Variants in SEMA3C observed in about 807,000 individuals in gnomAD.
SEMA3C encodes the protein semaphorin-3C.
In SEMA3C, 47 loss-of-function variants were observed where a neutral mutation model predicts 89.4. The ratio of observed to expected loss-of-function variants is 0.53; its 90% CI spans 0.42 to 0.67. The LOEUF is 0.67. Among genes scored for constraint, SEMA3C ranks in the 30% least tolerant of loss-of-function variants. The pLI, the probability that SEMA3C is intolerant of heterozygous loss-of-function variation, is 0.00. For synonymous variants in SEMA3C, 310 were observed against 320.2 expected (o/e 0.97, Z 0.34); for missense variants, 839 against 929.1 (o/e 0.90, Z 1.26).
chr7:80,897,223 G>T lies in SEMA3C; in HGVS notation c.103+19456C>A, dbSNP rs1166931163. 2.0e-5 allele frequency among the ~76,000 whole-genome samples: 3 copies of T among 151,768 alleles called. No homozygotes were observed. In the East Asian group the frequency reaches 5.8e-4, roughly 29 times the overall value. On this transcript the variant is annotated intron_variant, in intron 2 of 17. Coordinates refer to ENST00000265361, the MANE Select transcript of SEMA3C (RefSeq NM_006379.5). ...TCATTTTTGCTGTCTGAGTTATGAG[G>T]CAGCATGTGGAAACATTGTATTTGG...
chr7:80,845,346 A>T (rs1790365221), intron 2 of SEMA3C, among the ~76,000 whole-genome samples: 1 of 152,100 alleles, frequency 6.6e-6, no homozygotes, highest in South Asian at 2.1e-4. Flanking sequence ...TTAGGTGGAC[A>T]TCAGTAAGCC....
intron 2 of SEMA3C, among the ~76,000 whole-genome samples, chr7:80,899,977 G>C (rs1052552568): frequency 4.6e-5 from 7 of 152,150 alleles, no homozygotes; most frequent in African/African-American, 1.7e-4. Flanking sequence ...TACAGGTGCA[G>C]TTTTGTTACA....
intron 5 of SEMA3C, chr7:80,815,809 A>G (rs932359807): frequency 6.6e-6 from 1 of 152,116 alleles, no homozygotes; most frequent in Admixed American, 6.5e-5. Context: ...AGGTAAAGTT[A>G]TCTGCTTGAT....
At chr7:80,854,209 C>T (rs766921336) in intron 2 of SEMA3C, among the ~76,000 whole-genome samples, 16 of 152,098 alleles carry the variant, frequency 1.1e-4, no homozygotes, top group Admixed American at 5.9e-4. Context: ...CAAAAAGATG[C>T]TCTCAAAGAA....
At position 80,888,679 on chromosome 7, in the gene SEMA3C, C is replaced by T. The variant is rs947848900; in HGVS notation, c.103+28000G>A. ...TTTATGTCATTACTTCTGTTTGTGT[C>T]AAAAGTATGAAGATTTTTATACCAA... On this transcript the variant is annotated intron_variant, in intron 2 of 17. Transcript: ENST00000265361. 3.3e-5 allele frequency among the ~76,000 whole-genome samples: 5 copies of T among 151,834 alleles called. 1 individual carries two copies. The highest frequency in any genetic ancestry group is 4.4e-5 in the Non-Finnish European group (3 of 67,978).
intron 6 of SEMA3C, among the ~76,000 whole-genome samples, chr7:80,806,290 CAT>C (rs1372998589): frequency 5.3e-5 from 8 of 151,992 alleles, no homozygotes; most frequent in Non-Finnish European, 1.2e-4. Flanking sequence ...GTTCTTAACA[CAT>C]ATTAAAATTT....
intron 2 of SEMA3C, among the ~76,000 whole-genome samples, chr7:80,904,479 G>A (rs896266909): frequency 6.6e-6 from 1 of 152,174 alleles, no homozygotes; most frequent in African/African-American, 2.4e-5. Flanking sequence ...AGTAAGTGAA[G>A]GGTATTTGTT....
intron 2 of SEMA3C, among the ~76,000 whole-genome samples, chr7:80,897,001 C>T (rs1414408959): frequency 2.6e-5 from 4 of 152,106 alleles, no homozygotes; most frequent in Admixed American, 6.6e-5. Context: ...ACTTGTGTGG[C>T]AGGGGTGTGG....
At chr7:80,814,112 A>T (rs1789541267) in intron 5 of SEMA3C, among the ~76,000 whole-genome samples, 1 of 142,140 alleles carries the variant, frequency 7.0e-6, no homozygotes, top group Non-Finnish European at 1.5e-5. Flanking sequence ...TATTTAAGAC[A>T]GAGTCTCGCT....
At chr7:80,745,842 A>T (rs1787788054) in intron 17 of SEMA3C, among the ~76,000 whole-genome samples, 1 of 152,168 alleles carries the variant, frequency 6.6e-6, no homozygotes, top group Non-Finnish European at 1.5e-5. Flanking sequence ...AATTTTGAAC[A>T]TTATCAAGGG....
chr7:80,847,787 C>T (rs991408638), intron 2 of SEMA3C, among the ~76,000 whole-genome samples: 9 of 152,230 alleles, frequency 5.9e-5, no homozygotes, highest in Admixed American at 2.0e-4. Context: ...AGAAAGCATA[C>T]GCTAGACAGA....
intron 2 of SEMA3C, among the ~76,000 whole-genome samples, chr7:80,829,572 A>C (rs1317695904): frequency 6.6e-6 from 1 of 152,104 alleles, no homozygotes; most frequent in Non-Finnish European, 1.5e-5. Flanking sequence ...TATTTTCAGG[A>C]GGCAATGTTA....
In SEMA3C at chr7:80,825,181, C is replaced by CT. The variant is rs1047938091; in HGVS notation, c.327+2243dup. On this transcript the variant is annotated intron_variant, in intron 4 of 17. Transcript: ENST00000265361. ...TTCACATTATTTTTCTGCTACAGGA[C>CT]TTTTTTTTCCCATAGCCTAAGTAAA... 9.2e-5 allele frequency among the ~76,000 whole-genome samples: 14 copies of CT among 152,080 alleles called. No homozygotes were observed. The South Asian group carries it at 2.1e-3, about 23-fold the overall frequency.
upstream of SEMA3C, chr7:80,919,182 T>A: frequency 1.0e-6 from 1 of 984,784 alleles, no homozygotes; most frequent in Non-Finnish European, 1.2e-6. Context: ...CCCGGCCGCA[T>A]CTCCGCCAGC....
chr7:80,913,047 T>C (rs2116246393), intron 2 of SEMA3C, among the ~76,000 whole-genome samples: 1 of 152,274 alleles, frequency 6.6e-6, no homozygotes, highest in Non-Finnish European at 1.5e-5. Flanking sequence ...CTGGAGACTT[T>C]GGCAGCTTTA....
intron 2 of SEMA3C, among the ~76,000 whole-genome samples, chr7:80,910,621 C>T (rs1201036116): frequency 6.7e-6 from 1 of 149,816 alleles, no homozygotes; most frequent in Non-Finnish European, 1.5e-5. Flanking sequence ...GGAATCTGCC[C>T]AAAGCTCACA....
intron 4 of SEMA3C, among the ~76,000 whole-genome samples, chr7:80,826,531 G>C (rs1583915305): frequency 6.6e-6 from 1 of 152,050 alleles, no homozygotes; most frequent in African/African-American, 2.4e-5. Flanking sequence ...TTCTGTCTTT[G>C]CACCAATTAT....
At chr7:80,750,461 TATATATATATATAC>T (rs1424033806) in intron 16 of SEMA3C, among the ~76,000 whole-genome samples, 299 of 67,388 alleles carry the variant, frequency 4.4e-3, no homozygotes, top group African/African-American at 0.015. Flanking sequence ...TATATATATA[TATATATATATATAC>T]ACACACACAC....
At chr7:80,884,627 T>C (rs1315967514) in intron 2 of SEMA3C, among the ~76,000 whole-genome samples, 1 of 152,218 alleles carries the variant, frequency 6.6e-6, no homozygotes, top group Non-Finnish European at 1.5e-5. Flanking sequence ...GATGCGAGAA[T>C]GTAAGCAGTT....
Sources: gnomAD v4.1 joint callset for allele counts (sites outside exome capture counted in the v4.1 genomes callset) on GRCh38, gnomAD v4.1.1 for gene constraint, MANE v1.5 for transcripts, NCBI Gene and HGNC (gene_info 2026-07-23, HGNC 2026-07-21) for gene names.